Variants in RABGAP1L observed in about 807,000 individuals in gnomAD.
The protein encoded by RABGAP1L is RAB GTPase activating protein 1 like.
RABGAP1L carries 63 observed loss-of-function variants against 137.7 expected under a neutral mutation model. The observed-to-expected ratio is 0.46, with a 90% CI of 0.37 to 0.56. RABGAP1L has a LOEUF of 0.56. RABGAP1L is among the 20% of genes least tolerant of loss of function. The pLI is 0.00. For synonymous variants in RABGAP1L, 431 were observed against 433.7 expected, an observed-to-expected ratio of 0.99 and a Z score of 0.08; for missense variants, 1,095 against 1,244.0, an observed-to-expected ratio of 0.88 and a Z score of 1.80.
At chr1:174,953,615 A>G (rs1668063241) in intron 19 of RABGAP1L, among the ~76,000 whole-genome samples, 2 of 152,214 alleles carry the variant, frequency 1.3e-5, no homozygotes, top group African/African-American at 4.8e-5. Flanking sequence ...CGCTCTGAGT[A>G]TTATCATCAG....
chr1:174,600,459 C>G (rs949298095), intron 13 of RABGAP1L, among the ~76,000 whole-genome samples: 2 of 152,212 alleles, frequency 1.3e-5, no homozygotes, highest in Non-Finnish European at 2.9e-5. Flanking sequence ...CAAGTGCCTT[C>G]CACCTATGAG....
At chr1:174,830,454 T>G (rs986697054) in intron 19 of RABGAP1L, among the ~76,000 whole-genome samples, 4 of 147,540 alleles carry the variant, frequency 2.7e-5, no homozygotes, top group African/African-American at 4.9e-5. Flanking sequence ...ATAATTTGGT[T>G]TTTTTTTGCC....
At chr1:174,241,426 A>T in intron 4 of RABGAP1L, 57 bp from the exon 5 acceptor site, 19 of 1,191,226 alleles carry the variant, frequency 1.6e-5, no homozygotes, top group Non-Finnish European at 2.0e-5. Flanking sequence ...AACTGGAAAT[A>T]TGTCTTTGTT....
chr1:174,419,062 A>G (rs1216247785), intron 13 of RABGAP1L, among the ~76,000 whole-genome samples: 1 of 152,162 alleles, frequency 6.6e-6, no homozygotes, highest in African/African-American at 2.4e-5. Context: ...AATTAAGAAT[A>G]CAATATAAGG....
At chr1:174,683,851 G>A (rs1233543547) in intron 15 of RABGAP1L, among the ~76,000 whole-genome samples, 1 of 152,170 alleles carries the variant, frequency 6.6e-6, no homozygotes, top group East Asian at 1.9e-4. Context: ...GAATCCTCTG[G>A]AATTAAAGAA....
chr1:174,495,259 G>A (rs1660639117), intron 13 of RABGAP1L, among the ~76,000 whole-genome samples: 1 of 152,174 alleles, frequency 6.6e-6, no homozygotes, highest in African/African-American at 2.4e-5. Context: ...GAAAGTCAGA[G>A]AGTGAAATTT....
chr1:174,729,347 A>C (rs1210020834), intron 17 of RABGAP1L, among the ~76,000 whole-genome samples: 2 of 152,242 alleles, frequency 1.3e-5, no homozygotes, highest in Non-Finnish European at 2.9e-5. Context: ...TAAAGATTTA[A>C]ATGTGACATC....
At chr1:174,913,006 C>T (rs187486067) in intron 19 of RABGAP1L, among the ~76,000 whole-genome samples, 56 of 150,930 alleles carry the variant, frequency 3.7e-4, no homozygotes, top group African/African-American at 1.2e-3. Flanking sequence ...GATGAAGTCT[C>T]ACTCTGTCGC....
chr1:174,649,460 A>G (rs1265423467), intron 14 of RABGAP1L, among the ~76,000 whole-genome samples: 1 of 151,976 alleles, frequency 6.6e-6, no homozygotes, highest in Non-Finnish European at 1.5e-5. Context: ...TTGCTTATAA[A>G]TCTTAGTTTG....
At chr1:174,902,402 G>C (rs1658297692) in intron 19 of RABGAP1L, among the ~76,000 whole-genome samples, 1 of 152,220 alleles carries the variant, frequency 6.6e-6, no homozygotes, top group Admixed American at 6.5e-5. Context: ...ACGCCAGTCG[G>C]TCTTAACTTG....
chr1:174,321,960 TATTA>T (rs1380744976), intron 11 of RABGAP1L, among the ~76,000 whole-genome samples: 2 of 151,592 alleles, frequency 1.3e-5, no homozygotes, highest in African/African-American at 4.9e-5. Context: ...CTTACTGATT[TATTA>T]GAGTTCTTTA....
chr1:174,344,684 GTGAC>G (rs1558149303), intron 11 of RABGAP1L, among the ~76,000 whole-genome samples: 1 of 152,134 alleles, frequency 6.6e-6, no homozygotes, highest in Admixed American at 6.5e-5. Context: ...AACAGGCTGA[GTGAC>G]TGATTCACAA....
intron 1 of RABGAP1L, among the ~76,000 whole-genome samples, chr1:174,179,544 GCACACACACACACACA>G (rs56839600): frequency 3.5e-4 from 52 of 147,260 alleles, no homozygotes; most frequent in African/African-American, 1.2e-3. Context: ...CTTAGCACGT[GCACACACACACACACA>G]CACACACACA....
rs1418680665 is a variant in RABGAP1L, at chr1:174,550,885, T to TACACACAC, written c.1711-86489_1711-86488insCACACACA. Among the ~76,000 whole-genome samples, 32 of 54,298 alleles carry TACACACAC rather than the reference T, an allele frequency of 5.9e-4. 3 individuals are homozygous for TACACACAC. The highest frequency in any genetic ancestry group is 3.0e-3 in the African/African-American group (30 of 9,918). 35.6% of individuals were successfully genotyped at this position (54,298 alleles called of 152,430 possible). ...ATATATATATATATATATATATATA[T>TACACACAC]ATATATATATACACACACACATATA... On this transcript the variant is annotated intron_variant, in intron 13 of 25. Transcript: ENST00000681986.
rs147669647 is a variant in RABGAP1L at position 174,393,972 on chromosome 1, G to T, written c.1560-23G>T. 1.7e-4 allele frequency: 279 copies of T among 1,607,904 alleles called. 2 individuals carry two copies. In the Middle Eastern group the frequency reaches 0.016, roughly 92 times the overall value. ...CAGGAGTTGTAAAGGAAGTGTGAAT[G>T]GATTATTTTCTTGTCTTCTCAGGCA... is the stretch of plus-strand genomic sequence containing the variant. On this transcript the variant is annotated intron_variant, in intron 12 of 25. Transcript: ENST00000681986.
intron 20 of RABGAP1L, among the ~76,000 whole-genome samples, chr1:174,961,139 T>G (rs1669052974): frequency 6.6e-6 from 1 of 152,228 alleles, no homozygotes; most frequent in Non-Finnish European, 1.5e-5. Context: ...AACTTGCACC[T>G]GACCAGGTTT....
chr1:174,259,866 A>C (rs1673438801), intron 7 of RABGAP1L, among the ~76,000 whole-genome samples: 1 of 147,596 alleles, frequency 6.8e-6, no homozygotes, highest in Non-Finnish European at 1.5e-5. Context: ...ACAGAGTCTC[A>C]CTCTGTCACC....
intron 13 of RABGAP1L, among the ~76,000 whole-genome samples, chr1:174,630,721 G>A (rs1266298281): frequency 7.1e-6 from 1 of 140,806 alleles, no homozygotes; most frequent in East Asian, 2.1e-4. Context: ...TTGTATTTCT[G>A]TGGGATCGGT....
intron 19 of RABGAP1L, among the ~76,000 whole-genome samples, chr1:174,855,581 C>G (rs1649156711): frequency 1.3e-5 from 2 of 152,222 alleles, no homozygotes; most frequent in Non-Finnish European, 2.9e-5. Flanking sequence ...CCAGCTCTTA[C>G]ATAAGTCTAA....
Sources: gnomAD v4.1 joint callset for allele counts (sites outside exome capture counted in the v4.1 genomes callset) on GRCh38, gnomAD v4.1.1 for gene constraint, MANE v1.5 for transcripts, NCBI Gene and HGNC (gene_info 2026-07-23, HGNC 2026-07-21) for gene names.